PKIB: variants seen among roughly 807,000 people sequenced by gnomAD.
PKIB encodes the protein PKI-beta.
PKIB carries 2 observed loss-of-function variants against 4.5 expected under a neutral mutation model. The ratio of observed to expected loss-of-function variants is 0.44; its 90% confidence interval spans 0.18 to 1.39. The LOEUF is 1.39. Among genes scored for constraint, PKIB ranks in the 40% most tolerant of loss-of-function variants. The pLI, the probability that PKIB is intolerant of heterozygous loss-of-function variation, is 0.27. For missense variants in PKIB, 94 were observed against 92.6 expected (o/e 1.02, Z -0.06); for synonymous variants, 38 against 36.0 (o/e 1.06, Z -0.20).
intron 3 of PKIB, among the ~76,000 whole-genome samples, chr6:122,598,935 A>C (rs113632031): frequency 1.3e-5 from 2 of 152,126 alleles, no homozygotes; most frequent in African/African-American, 4.8e-5. Context: ...CCTAATATCC[A>C]TTCCCATGCC....
rs1775790373 is a variant in PKIB at position 122,487,123 on chromosome 6, A to G, written c.-248+9184A>G. 2.6e-5 allele frequency among the ~76,000 whole-genome samples: 4 copies of G among 152,314 alleles called. No individual in the cohort carries two copies. In the East Asian group the frequency reaches 7.7e-4, roughly 29 times the overall value. On this transcript the variant is annotated intron_variant, in intron 2 of 6. Coordinates refer to the PKIB transcript ENST00000392491. ...GCTTCTTTCTACATTGAACATATTC[A>G]CATTTTGCCAATTGTCCCAGTGATA...
intron 1 of PKIB, among the ~76,000 whole-genome samples, chr6:122,613,064 A>G (rs1774828104): frequency 6.6e-6 from 1 of 152,170 alleles, no homozygotes; most frequent in African/African-American, 2.4e-5. Context: ...CAGAAACGAG[A>G]TATTTCTTGC....
intron 3 of PKIB, among the ~76,000 whole-genome samples, chr6:122,685,577 A>G (rs1456769548): frequency 6.6e-6 from 1 of 152,132 alleles, no homozygotes; most frequent in Non-Finnish European, 1.5e-5. Flanking sequence ...TATGGAGAAC[A>G]TGAGATATTT....
At chr6:122,559,519 G>C (rs985353156) in intron 2 of PKIB, among the ~76,000 whole-genome samples, 1 of 151,828 alleles carries the variant, frequency 6.6e-6, no homozygotes. Context: ...TGCTTTGGTT[G>C]TGTGGGCTCT....
intron 2 of PKIB, among the ~76,000 whole-genome samples, chr6:122,649,166 T>C (rs1389448214): frequency 1.3e-5 from 2 of 152,218 alleles, no homozygotes; most frequent in African/African-American, 4.8e-5. Context: ...CAGCTATCCT[T>C]GTCACCAATT....
At chr6:122,505,783 A>C (rs1776378115) in intron 2 of PKIB, among the ~76,000 whole-genome samples, 1 of 152,164 alleles carries the variant, frequency 6.6e-6, no homozygotes. Context: ...TAGAAATCAG[A>C]AGTATTTTAA....
chr6:122,647,650 T>C (rs1042180617), intron 2 of PKIB, among the ~76,000 whole-genome samples: 9 of 152,226 alleles, frequency 5.9e-5, no homozygotes, highest in Admixed American at 2.0e-4. Flanking sequence ...TTAGCTATTA[T>C]GAATATATCT....
At chr6:122,543,602 G>C (rs647178) in intron 2 of PKIB, among the ~76,000 whole-genome samples, 1 of 151,480 alleles carries the variant, frequency 6.6e-6, no homozygotes, top group Admixed American at 6.6e-5. Flanking sequence ...CTGGTCTTGA[G>C]CTCCTGACCT....
At chr6:122,683,500 T>C (rs34774382) in intron 3 of PKIB, among the ~76,000 whole-genome samples, 3,637 of 152,222 alleles carry the variant, frequency 0.024, 55 homozygotes, top group South Asian at 0.067. Flanking sequence ...GCTTCTAGCA[T>C]TGAGGATTAC....
At chr6:122,553,075 T>G (rs1772728167) in intron 2 of PKIB, among the ~76,000 whole-genome samples, 1 of 152,152 alleles carries the variant, frequency 6.6e-6, no homozygotes. Flanking sequence ...ATTACTGCAT[T>G]CAATTTGTTC....
chr6:122,485,123 G>A (rs1362676708), intron 2 of PKIB, among the ~76,000 whole-genome samples: 1 of 151,996 alleles, frequency 6.6e-6, no homozygotes, highest in African/African-American at 2.4e-5. Flanking sequence ...GTGATTCTGG[G>A]GGCTGCCTGA....
intron 2 of PKIB, among the ~76,000 whole-genome samples, chr6:122,573,837 A>G (rs918395371): frequency 2.6e-5 from 4 of 152,240 alleles, no homozygotes; most frequent in Admixed American, 6.5e-5. Context: ...AAAAAGTTGA[A>G]AGGATTCCCC....
chr6:122,557,770 T>G (rs992565941), intron 2 of PKIB, among the ~76,000 whole-genome samples: 1 of 152,214 alleles, frequency 6.6e-6, no homozygotes, highest in African/African-American at 2.4e-5. Context: ...CAGATTTACC[T>G]GCAATCATTG....
chr6:122,658,736 G>A (rs1467027953), intron 2 of PKIB, among the ~76,000 whole-genome samples: 3 of 151,392 alleles, frequency 2.0e-5, no homozygotes, highest in Non-Finnish European at 4.4e-5. Flanking sequence ...GACCACTACT[G>A]GCTGCAACAT....
At chr6:122,563,387 C>T (rs907746322) in intron 2 of PKIB, among the ~76,000 whole-genome samples, 2 of 152,022 alleles carry the variant, frequency 1.3e-5, no homozygotes, top group Non-Finnish European at 2.9e-5. Context: ...CAATGGACTC[C>T]ATGAGAGTTC....
chr6:122,567,760 A>G (rs1773237183), intron 2 of PKIB, among the ~76,000 whole-genome samples: 1 of 152,256 alleles, frequency 6.6e-6, no homozygotes. Context: ...ATAAGTGTAA[A>G]GTGATATAAA....
At chr6:122,477,562 T>G (rs1264455926) in intron 1 of PKIB, among the ~76,000 whole-genome samples, 1 of 152,220 alleles carries the variant, frequency 6.6e-6, no homozygotes, top group East Asian at 1.9e-4. Flanking sequence ...TTATGTTATT[T>G]TAGCCAATTT....
intron 2 of PKIB, among the ~76,000 whole-genome samples, chr6:122,492,969 G>A (rs1160931936): frequency 1.3e-5 from 2 of 152,006 alleles, no homozygotes; most frequent in Non-Finnish European, 2.9e-5. Flanking sequence ...CTGGCATAAG[G>A]TTTTGTGTCC....
intron 3 of PKIB, among the ~76,000 whole-genome samples, chr6:122,700,000 A>G (rs13217154): frequency 0.18 from 28,035 of 152,098 alleles, 2,967 homozygotes; most frequent in Non-Finnish European, 0.23. Flanking sequence ...AGTTAAAACC[A>G]TGAAGGTTTG....
Sources: allele counts gnomAD v4.1 joint callset (sites outside exome capture counted in the v4.1 genomes callset), GRCh38; gene constraint gnomAD v4.1.1; transcripts MANE v1.5; gene names NCBI Gene and HGNC (gene_info 2026-07-23, HGNC 2026-07-21).